The following SYT16 variants were observed in gnomAD, a reference collection of about 807,000 sequenced individuals.
SYT16 encodes the protein synaptotagmin-16.
In SYT16, 42 loss-of-function variants were observed where a neutral mutation model predicts 61.4. That is an observed-to-expected ratio of 0.68 (90% confidence interval 0.53 to 0.89). The LOEUF is 0.89. Among genes scored for constraint, SYT16 ranks in the 40% least tolerant of loss-of-function variants. The pLI is 0.00. For synonymous variants in SYT16, 314 were observed against 302.3 expected, an observed-to-expected ratio of 1.04 and a Z score of -0.40; for missense variants, 804 against 807.3, an observed-to-expected ratio of 1.00 and a Z score of 0.05.
intron 1 of SYT16, among the ~76,000 whole-genome samples, chr14:61,916,442 C>T (rs1352276266): frequency 6.6e-6 from 1 of 151,732 alleles, no homozygotes; most frequent in African/African-American, 2.4e-5. Flanking sequence ...TTTTTCCCTG[C>T]GATTTATTTT....
chr14:61,906,164 T>C (rs1465448465), intron 1 of SYT16, among the ~76,000 whole-genome samples: 1 of 152,346 alleles, frequency 6.6e-6, no homozygotes, highest in East Asian at 1.9e-4. Context: ...TAGGTTTTGA[T>C]AGGGAATTTG....
intron 1 of SYT16, among the ~76,000 whole-genome samples, chr14:61,946,385 A>T (rs1330267120): frequency 1.3e-5 from 2 of 152,136 alleles, no homozygotes; most frequent in African/African-American, 4.8e-5. Context: ...GATAGAGTGG[A>T]ATAATAGATG....
chr14:61,895,007 C>T (rs2048277077), intron 1 of SYT16, among the ~76,000 whole-genome samples: 1 of 152,168 alleles, frequency 6.6e-6, no homozygotes, highest in Non-Finnish European at 1.5e-5. Flanking sequence ...CATTTGCTCC[C>T]TGCCAGCTGC....
chr14:61,862,856 G>A (rs1245717563), intron 1 of SYT16, among the ~76,000 whole-genome samples: 1 of 152,072 alleles, frequency 6.6e-6, no homozygotes, highest in Non-Finnish European at 1.5e-5. Flanking sequence ...ATGTCATATG[G>A]TTGGAATCAT....
At chr14:62,085,975 T>C (rs899935113) in intron 7 of SYT16, among the ~76,000 whole-genome samples, 3 of 152,168 alleles carry the variant, frequency 2.0e-5, no homozygotes, top group Non-Finnish European at 4.4e-5. Flanking sequence ...CTGAACAATT[T>C]TTTAGGAACA....
intron 3 of SYT16, among the ~76,000 whole-genome samples, chr14:62,059,926 A>G (rs1299318060): frequency 6.6e-6 from 1 of 151,968 alleles, no homozygotes; most frequent in African/African-American, 2.4e-5. Flanking sequence ...ATAATAGACC[A>G]TACTTGTGTG....
intron 1 of SYT16, among the ~76,000 whole-genome samples, chr14:61,842,550 C>A (rs2046327787): frequency 6.6e-6 from 1 of 152,110 alleles, no homozygotes; most frequent in African/African-American, 2.4e-5. Flanking sequence ...TGTATAAGTA[C>A]CACATTTTCT....
chr14:61,847,585 A>G (rs2046482089), intron 1 of SYT16, among the ~76,000 whole-genome samples: 1 of 152,082 alleles, frequency 6.6e-6, no homozygotes, highest in Non-Finnish European at 1.5e-5. Flanking sequence ...TTGTACTTGA[A>G]TATTCATATC....
chr14:61,888,968 T>G (rs890122054), intron 1 of SYT16, among the ~76,000 whole-genome samples: 4 of 152,202 alleles, frequency 2.6e-5, no homozygotes, highest in African/African-American at 9.7e-5. Flanking sequence ...AGGATCACAT[T>G]CACTGTAGGA....
intron 1 of SYT16, among the ~76,000 whole-genome samples, chr14:61,934,807 G>GA (rs1259829642): frequency 6.6e-6 from 1 of 152,118 alleles, no homozygotes; most frequent in Non-Finnish European, 1.5e-5. Flanking sequence ...ATTATTTGAA[G>GA]ATGACTCTTC....
chr14:62,043,120 A>C (rs2054807205), intron 3 of SYT16, among the ~76,000 whole-genome samples: 2 of 146,968 alleles, frequency 1.4e-5, no homozygotes, highest in Admixed American at 1.3e-4. Flanking sequence ...TTTTTTACAT[A>C]GAAAGTTCTA....
chr14:62,062,596 C>T (rs139401267), intron 3 of SYT16, among the ~76,000 whole-genome samples: 3 of 152,170 alleles, frequency 2.0e-5, no homozygotes, highest in South Asian at 2.1e-4. Context: ...TGTTTGAGTC[C>T]GGGAATGGCC....
chr14:61,858,732 A>G (rs2046860035), intron 1 of SYT16, among the ~76,000 whole-genome samples: 1 of 152,244 alleles, frequency 6.6e-6, no homozygotes, highest in Admixed American at 6.5e-5. Context: ...TTTTCAATAG[A>G]GTAGGCACTG....
chr14:62,102,582 G>A lies in SYT16; in HGVS notation c.*1875G>A, dbSNP rs867843267. 1.3e-5 allele frequency: 2 copies of A among 152,094 alleles called. No individual in the cohort carries two copies. Among genetic ancestry groups the A allele is most frequent in the African/African-American group, 2.4e-5 (1 of 41,402 alleles). The allele number at this position is 152,094 out of a possible 1,614,324, so 9.4% of individuals were successfully genotyped here. ...TAAGTCATTGAGTAGAACTGAGTGC[G>A]ATTGATTAAGTAGCAGCACAAAGAA... On this transcript the variant is annotated 3_prime_UTR_variant, in exon 8 of 8. Transcript: ENST00000683842.
intron 1 of SYT16, among the ~76,000 whole-genome samples, chr14:61,840,693 C>CT: frequency 6.6e-6 from 1 of 151,882 alleles, no homozygotes. Flanking sequence ...GACAAGGTGG[C>CT]TGGTGGCTTC....
At chr14:61,988,541 G>A (rs368084822) in intron 2 of SYT16, among the ~76,000 whole-genome samples, 36 of 152,178 alleles carry the variant, frequency 2.4e-4, no homozygotes, top group African/African-American at 8.7e-4. Context: ...CTTGAGCAAT[G>A]TACAACTTTT....
At chr14:62,059,682 TTATA>T (rs924667391) in intron 3 of SYT16, among the ~76,000 whole-genome samples, 1 of 147,460 alleles carries the variant, frequency 6.8e-6, no homozygotes, top group Non-Finnish European at 1.5e-5. Flanking sequence ...TATATATAAT[TTATA>T]TATATGTATA....
chr14:61,978,279 A>G lies in SYT16; in HGVS notation c.-145+7968A>G, dbSNP rs79137930. Among the ~76,000 whole-genome samples the G allele has an allele frequency of 9.8e-3, 1,487 of 152,286 alleles. 19 individuals are homozygous for G. The highest frequency in any genetic ancestry group is 0.034 in the African/African-American group (1,432 of 41,558). On this transcript the variant is annotated intron_variant, in intron 2 of 7. Coordinates refer to ENST00000683842, the MANE Select transcript of SYT16 (RefSeq NM_001367656.1). ...CTTGGCAGTGGTTTCCAATCCTTTC[A>G]AATAAGGAGAGTTGATGAAAATTGG... is the stretch of plus-strand genomic sequence containing the variant.
chr14:61,911,263 G>C (rs538764393), intron 1 of SYT16, among the ~76,000 whole-genome samples: 1 of 152,314 alleles, frequency 6.6e-6, no homozygotes, highest in East Asian at 1.9e-4. Context: ...ACCTAGGCTT[G>C]GAGATCTGCT....
Sources: gnomAD v4.1 joint callset for allele counts (sites outside exome capture counted in the v4.1 genomes callset) on GRCh38, gnomAD v4.1.1 for gene constraint, MANE v1.5 for transcripts, NCBI Gene and HGNC (gene_info 2026-07-23, HGNC 2026-07-21) for gene names.